Variants in MSRA observed in about 807,000 individuals in gnomAD.
MSRA encodes the protein methionine sulfoxide reductase A, also known as mitochondrial peptide methionine sulfoxide reductase.
MSRA carries 54 observed loss-of-function variants against 31.3 expected under a neutral mutation model. That is an observed-to-expected ratio of 1.73 (90% CI 1.39 to 2.17). The LOEUF (loss-of-function observed/expected upper bound fraction) is 2.17, where lower values mean the gene tolerates loss of function less well. Among genes scored for constraint, MSRA ranks in the 30% most tolerant of loss-of-function variants. MSRA has a pLI of 0.00. For missense variants in MSRA, 507 were observed against 300.9 expected, an observed-to-expected ratio of 1.69 and a Z score of -5.07; for synonymous variants, 169 against 116.5, an observed-to-expected ratio of 1.45 and a Z score of -2.90.
At chr8:10,247,385 C>T (rs918560197) in intron 3 of MSRA, among the ~76,000 whole-genome samples, 76 of 152,306 alleles carry the variant, frequency 5.0e-4, no homozygotes, top group African/African-American at 1.7e-3. Context: ...ATATCCCAGC[C>T]ATTCTCCATT....
chr8:10,356,266 A>G (rs1165304964), intron 5 of MSRA, among the ~76,000 whole-genome samples: 1 of 152,244 alleles, frequency 6.6e-6, no homozygotes. Context: ...CAGACCTTGA[A>G]AAAAGTTTGT....
At position 10,319,909 on chromosome 8, in the gene MSRA, A is replaced by C. The variant is rs1801947142; in HGVS notation, c.463A>C (p.Thr155Pro). Residue 155 changes from threonine (T) to proline (P), a missense_variant, in exon 5 of 6, where the codon ACT becomes CCT. Thr to Pro is a conservative substitution (Grantham distance 38). Coordinates refer to ENST00000317173, the MANE Select transcript of MSRA (RefSeq NM_012331.5). ...TATGCGCCAGGGGAACGACCATGGC[A>C]CTCAGTACCGCTCGGCCATCTACCC... ...QGMRQGNDHG[T>P]QYRSAIYPTS... The C allele has an allele frequency of 1.3e-6, 2 of 1,591,484 alleles. No individual in the cohort carries two copies. The highest frequency in any genetic ancestry group is 1.7e-6 in the Non-Finnish European group (2 of 1,169,548).
At chr8:10,219,108 G>T (rs746814479) in intron 2 of MSRA, among the ~76,000 whole-genome samples, 3 of 152,194 alleles carry the variant, frequency 2.0e-5, no homozygotes, top group Non-Finnish European at 4.4e-5. Context: ...CTTGCTTCTA[G>T]ATGTGCAATG....
intron 5 of MSRA, among the ~76,000 whole-genome samples, chr8:10,413,018 C>G (rs1422931739): frequency 6.6e-6 from 1 of 152,214 alleles, no homozygotes; most frequent in Non-Finnish European, 1.5e-5. Flanking sequence ...AAACCCATTC[C>G]CAAATGTTTA....
chr8:10,280,019 T>C (rs1034864067), intron 3 of MSRA, among the ~76,000 whole-genome samples: 1 of 152,360 alleles, frequency 6.6e-6, no homozygotes, highest in South Asian at 2.1e-4. Context: ...AAATAGTTAT[T>C]AAAGATAGTG....
chr8:10,220,803 C>T (rs1258068290), intron 2 of MSRA, among the ~76,000 whole-genome samples: 3 of 152,294 alleles, frequency 2.0e-5, no homozygotes, highest in East Asian at 3.9e-4. Context: ...GTCAGGGTGG[C>T]AGTGGGCACT....
At chr8:10,239,039 C>A (rs1380734868) in intron 2 of MSRA, among the ~76,000 whole-genome samples, 4 of 151,986 alleles carry the variant, frequency 2.6e-5, no homozygotes, top group Non-Finnish European at 5.9e-5. Context: ...TGCAACAAAC[C>A]AAGAAAAATA....
intron 3 of MSRA, among the ~76,000 whole-genome samples, chr8:10,297,638 C>A (rs576948526): frequency 2.0e-5 from 3 of 152,136 alleles, no homozygotes; most frequent in Non-Finnish European, 4.4e-5. Flanking sequence ...TACACAGGTT[C>A]TTTTACTTTG....
At chr8:10,273,285 T>C (rs1174683713) in intron 3 of MSRA, among the ~76,000 whole-genome samples, 1 of 152,218 alleles carries the variant, frequency 6.6e-6, no homozygotes. Flanking sequence ...GAATTCCACA[T>C]TATTTTACCT....
At chr8:10,402,547 C>T (rs1042877819) in intron 5 of MSRA, among the ~76,000 whole-genome samples, 1 of 152,230 alleles carries the variant, frequency 6.6e-6, no homozygotes, top group Non-Finnish European at 1.5e-5. Flanking sequence ...AAGATGCCCA[C>T]TGGAGGCAGC....
chr8:10,098,028 CT>C (rs915496075), intron 1 of MSRA, among the ~76,000 whole-genome samples: 6 of 151,812 alleles, frequency 4.0e-5, no homozygotes, highest in Non-Finnish European at 8.8e-5. Context: ...TTTGTGCAAG[CT>C]TTTTTTAAAA....
intron 1 of MSRA, among the ~76,000 whole-genome samples, chr8:10,183,361 G>A (rs1318764811): frequency 1.3e-5 from 2 of 152,138 alleles, no homozygotes; most frequent in Non-Finnish European, 2.9e-5. Flanking sequence ...TTTGCCAGGG[G>A]CTAAGTGTGA....
intron 1 of MSRA, among the ~76,000 whole-genome samples, chr8:10,164,321 C>T (rs929297148): frequency 7.9e-5 from 12 of 152,068 alleles, no homozygotes; most frequent in African/African-American, 2.4e-4. Context: ...GTGAAAAATC[C>T]CTCCGAGGGC....
chr8:10,134,603 G>C (rs959053415), intron 1 of MSRA, among the ~76,000 whole-genome samples: 11 of 152,172 alleles, frequency 7.2e-5, no homozygotes, highest in Non-Finnish European at 1.6e-4. Flanking sequence ...AAGTTTACCC[G>C]TGACCTGTGG....
chr8:10,298,489 T>G (rs192019331), intron 3 of MSRA, among the ~76,000 whole-genome samples: 11 of 152,254 alleles, frequency 7.2e-5, no homozygotes, highest in Admixed American at 5.9e-4. Flanking sequence ...GGGGAGTTGA[T>G]ATTTAATGGG....
Position 10,307,458 on chromosome 8 carries a change from G to A in MSRA, c.436+5820G>A, listed in dbSNP as rs528177944. Among the ~76,000 whole-genome samples the A allele has an allele frequency of 3.3e-5, 5 of 152,154 alleles. No homozygotes were observed. The East Asian group carries it at 7.7e-4, about 23-fold the overall frequency. ...CTGGGATGACAGAGGTGGCCACTGC[G>A]CCCAGCTGGGGTGCATATTTTTATG... On this transcript the variant is annotated intron_variant, in intron 4 of 5. Transcript: ENST00000317173.
chr8:10,427,699 C>A (rs1470505562), intron 5 of MSRA, among the ~76,000 whole-genome samples: 1 of 152,160 alleles, frequency 6.6e-6, no homozygotes, highest in African/African-American at 2.4e-5. Context: ...CCATCCCTAC[C>A]CTGTCCACCC....
intron 5 of MSRA, among the ~76,000 whole-genome samples, chr8:10,358,632 G>A (rs920494172): frequency 5.8e-5 from 7 of 120,580 alleles, no homozygotes; most frequent in African/African-American, 9.6e-5. Context: ...TCGCTCTGTC[G>A]CCCAGGCTGG....
rs66741514 is a variant in MSRA at position 10,316,228 on chromosome 8, C to CTT, written c.437-3644_437-3643dup. On this transcript the variant is annotated intron_variant, in intron 4 of 5. Coordinates refer to ENST00000317173, the MANE Select transcript of MSRA (RefSeq NM_012331.5). The stretch of plus-strand genomic sequence containing the variant: ...TCTTTCATACATCCCTATATTCCAC[C>CTT]TTTTTTTTTTTTACTTAAATTATAT... Among the ~76,000 whole-genome samples the CTT allele has an allele frequency of 8.9e-3, 1,315 of 146,952 alleles. 20 individuals are homozygous for CTT. The highest frequency in any genetic ancestry group is 0.039 in the Admixed American group (582 of 14,752).
Sources: allele counts gnomAD v4.1 joint callset (sites outside exome capture counted in the v4.1 genomes callset), GRCh38; gene constraint gnomAD v4.1.1; transcripts MANE v1.5; gene names NCBI Gene and HGNC (gene_info 2026-07-23, HGNC 2026-07-21).